ANO2: variants seen among roughly 807,000 people sequenced by gnomAD.
The protein encoded by ANO2 is anoctamin 2, also known as anoctamin-2.
ANO2 carries 101 observed loss-of-function variants against 124.2 expected under a neutral mutation model. The observed-to-expected ratio is 0.81, with a 90% CI of 0.69 to 0.96. The LOEUF is 0.96. ANO2 is among the 40% of genes least tolerant of loss of function. The pLI, the probability that ANO2 is intolerant of heterozygous loss-of-function variation, is 0.00. For synonymous variants in ANO2, 486 were observed against 482.5 expected, an observed-to-expected ratio of 1.01 and a Z score of -0.09; for missense variants, 1,293 against 1,274.5, an observed-to-expected ratio of 1.01 and a Z score of -0.22.
At chr12:5,868,148 C>A (rs1380460201) in intron 3 of ANO2, among the ~76,000 whole-genome samples, 1 of 151,920 alleles carries the variant, frequency 6.6e-6, no homozygotes, top group Non-Finnish European at 1.5e-5. Flanking sequence ...GAATTACATG[C>A]CTGTATCAGG....
chr12:5,568,858 G>C (rs555774201), intron 23 of ANO2, among the ~76,000 whole-genome samples: 2 of 152,320 alleles, frequency 1.3e-5, no homozygotes, highest in East Asian at 3.9e-4. Flanking sequence ...CTGATGCCCA[G>C]CTTTCTCATC....
intron 14 of ANO2, among the ~76,000 whole-genome samples, chr12:5,688,623 CT>C: frequency 6.6e-6 from 1 of 152,156 alleles, no homozygotes. Flanking sequence ...ATTAGGCATG[CT>C]GCTTTATCTA....
chr12:5,822,786 AC>A (rs1190609475), intron 7 of ANO2, among the ~76,000 whole-genome samples: 1 of 152,128 alleles, frequency 6.6e-6, no homozygotes, highest in African/African-American at 2.4e-5. Flanking sequence ...CCATTTTCAC[AC>A]TGCTGATAAA....
At chr12:5,757,777 C>G in intron 10 of ANO2, among the ~76,000 whole-genome samples, 1 of 152,098 alleles carries the variant, frequency 6.6e-6, no homozygotes, top group South Asian at 2.1e-4. Context: ...CCAGGGAAAA[C>G]TGGGATATGT....
chr12:5,878,605 AAC>A (rs1938271577), intron 3 of ANO2, among the ~76,000 whole-genome samples: 1 of 152,234 alleles, frequency 6.6e-6, no homozygotes, highest in Non-Finnish European at 1.5e-5. Context: ...AACATAGACA[AAC>A]ACAGACAAAT....
intron 10 of ANO2, among the ~76,000 whole-genome samples, chr12:5,799,148 A>G (rs1235921144): frequency 6.6e-6 from 1 of 152,246 alleles, no homozygotes; most frequent in Non-Finnish European, 1.5e-5. Flanking sequence ...GCACTTGGGC[A>G]TAACCCAACA....
chr12:5,640,163 TCACCCCA>T (rs1465059876), intron 15 of ANO2, among the ~76,000 whole-genome samples: 1 of 152,196 alleles, frequency 6.6e-6, no homozygotes, highest in African/African-American at 2.4e-5. Flanking sequence ...TTTGCTCTCA[TCACCCCA>T]TGAAAAGCAT....
At chr12:5,891,592 C>G (rs1025129825) in intron 3 of ANO2, among the ~76,000 whole-genome samples, 1 of 152,064 alleles carries the variant, frequency 6.6e-6, no homozygotes, top group Non-Finnish European at 1.5e-5. Flanking sequence ...TTTGGCTTAC[C>G]CTAAAGCTGC....
At chr12:5,834,605 C>A (rs1954259942) in intron 4 of ANO2, among the ~76,000 whole-genome samples, 1 of 152,176 alleles carries the variant, frequency 6.6e-6, no homozygotes, top group African/African-American at 2.4e-5. Flanking sequence ...AGGGCAAGAG[C>A]CTCCCCAGTC....
chr12:5,619,768 GAACT>G (rs558899458), intron 16 of ANO2, among the ~76,000 whole-genome samples: 183 of 152,350 alleles, frequency 1.2e-3, no homozygotes, highest in Admixed American at 2.3e-3. Context: ...ATAGAAGCAA[GAACT>G]AAATATTGGA....
chr12:5,815,123 A>T (rs1358169176), intron 7 of ANO2, among the ~76,000 whole-genome samples: 1 of 152,234 alleles, frequency 6.6e-6, no homozygotes, highest in Non-Finnish European at 1.5e-5. Flanking sequence ...ACAAGAAAAA[A>T]ATAAATGAGC....
chr12:5,616,120 C>G (rs143659597), intron 16 of ANO2, among the ~76,000 whole-genome samples: 1 of 152,264 alleles, frequency 6.6e-6, no homozygotes, highest in East Asian at 1.9e-4. Context: ...CAGACAGTGA[C>G]AAATGGCATG....
At chr12:5,861,653 G>T (rs1009064685) in intron 3 of ANO2, among the ~76,000 whole-genome samples, 14 of 152,252 alleles carry the variant, frequency 9.2e-5, no homozygotes, top group African/African-American at 3.4e-4. Context: ...AGGCAAGAAC[G>T]TCAGCTGCAG....
At chr12:5,582,877 G>A (rs928076205) in intron 20 of ANO2, among the ~76,000 whole-genome samples, 1 of 152,120 alleles carries the variant, frequency 6.6e-6, no homozygotes. Context: ...TTCGCCTTCT[G>A]TATGAAGACT....
intron 10 of ANO2, among the ~76,000 whole-genome samples, chr12:5,762,825 A>G (rs532832030): frequency 7.1e-6 from 1 of 140,036 alleles, no homozygotes; most frequent in African/African-American, 2.8e-5. Context: ...TATTGATAAG[A>G]GATAGCGAAA....
At chr12:5,570,257 C>T (rs879352118) in intron 23 of ANO2, among the ~76,000 whole-genome samples, 9 of 152,006 alleles carry the variant, frequency 5.9e-5, no homozygotes, top group Admixed American at 2.0e-4. Context: ...CTTAAAAGTC[C>T]TACAAGTTAA....
At chr12:5,632,492 G>C (rs1053240352) in intron 16 of ANO2, among the ~76,000 whole-genome samples, 1 of 152,018 alleles carries the variant, frequency 6.6e-6, no homozygotes, top group African/African-American at 2.4e-5. Context: ...AAATGTGCTT[G>C]TTAGGATTTT....
intron 19 of ANO2, among the ~76,000 whole-genome samples, chr12:5,602,212 A>C (rs1458018719): frequency 1.3e-5 from 2 of 152,200 alleles, no homozygotes; most frequent in Non-Finnish European, 2.9e-5. Context: ...ATAGAAATGG[A>C]CAATAGGAAA....
chr12:5,872,470 G>A (rs546254513), intron 3 of ANO2, among the ~76,000 whole-genome samples: 7 of 152,218 alleles, frequency 4.6e-5, no homozygotes, highest in Non-Finnish European at 8.8e-5. Context: ...CAGGGGCTTC[G>A]AAGGCTTCAC....
Sources: allele counts gnomAD v4.1 joint callset (sites outside exome capture counted in the v4.1 genomes callset), GRCh38; gene constraint gnomAD v4.1.1; transcripts MANE v1.5; gene names NCBI Gene and HGNC (gene_info 2026-07-23, HGNC 2026-07-21).